The following NT5DC1 variants were observed in gnomAD, a reference collection of about 807,000 sequenced individuals.
The protein encoded by NT5DC1 is 5'-nucleotidase domain containing 1.
NT5DC1 carries 42 observed loss-of-function variants against 59.4 expected under a neutral mutation model. That is an observed-to-expected ratio of 0.71 (90% CI 0.55 to 0.92). The LOEUF (loss-of-function observed/expected upper bound fraction) is 0.92, where lower values mean the gene tolerates loss of function less well. Among genes scored for constraint, NT5DC1 ranks in the 40% least tolerant of loss-of-function variants. The pLI, the probability that NT5DC1 is intolerant of heterozygous loss-of-function variation, is 0.00. For missense variants in NT5DC1, 501 were observed against 537.1 expected, an observed-to-expected ratio of 0.93 and a Z score of 0.66; for synonymous variants, 172 against 188.1, an observed-to-expected ratio of 0.91 and a Z score of 0.70.
chr6:116,140,074 A>G (rs1392975900), intron 6 of NT5DC1, among the ~76,000 whole-genome samples: 1 of 152,200 alleles, frequency 6.6e-6, no homozygotes, highest in East Asian at 1.9e-4. Context: ...GGAATTCCAC[A>G]GGTTCATAAA....
In NT5DC1 at chr6:116,120,804, C is replaced by T. The variant is rs199868902; in HGVS notation, c.529+2859C>T. 128 of 1,612,786 alleles carry T rather than the reference C, an allele frequency of 7.9e-5. 1 individual carries two copies. The African/African-American group carries it at 1.6e-3, about 20-fold the overall frequency. ...CCAGGGGCACCTCTTGGGCCAGCCT[C>T]TCCATTGTGTCCGGGCATTCCCTTT... is the stretch of plus-strand genomic sequence containing the variant. On this transcript the variant is annotated intron_variant, in intron 6 of 11. Coordinates refer to ENST00000319550, the MANE Select transcript of NT5DC1 (RefSeq NM_152729.3).
At chr6:116,241,716 G>A (rs1220114112) in intron 11 of NT5DC1, among the ~76,000 whole-genome samples, 1 of 152,198 alleles carries the variant, frequency 6.6e-6, no homozygotes, top group East Asian at 1.9e-4. Context: ...CAGGTCAGGA[G>A]ATCAAGACCA....
intron 10 of NT5DC1, 40 bp downstream of exon 10, chr6:116,238,388 T>C: frequency 6.9e-7 from 1 of 1,441,292 alleles, no homozygotes; most frequent in Non-Finnish European, 9.2e-7. Flanking sequence ...AAGACAAATA[T>C]TTATGTTTGA....
chr6:116,108,827 G>A (rs766562386), intron 3 of NT5DC1, among the ~76,000 whole-genome samples: 3 of 152,148 alleles, frequency 2.0e-5, no homozygotes, highest in Non-Finnish European at 2.9e-5. Flanking sequence ...TTGGGTAGGG[G>A]TTGGTGGTCT....
intron 6 of NT5DC1, among the ~76,000 whole-genome samples, chr6:116,204,470 C>T (rs1256865156): frequency 6.6e-6 from 1 of 151,908 alleles, no homozygotes; most frequent in Non-Finnish European, 1.5e-5. Context: ...GACAGTATGA[C>T]CTGATGAGAG....
At chr6:116,196,197 A>T (rs1781224094) in intron 6 of NT5DC1, among the ~76,000 whole-genome samples, 1 of 152,008 alleles carries the variant, frequency 6.6e-6, no homozygotes, top group African/African-American at 2.4e-5. Flanking sequence ...TTCCTTGATG[A>T]CTTAAACCTC....
chr6:116,152,978 G>A (rs1366521853), intron 6 of NT5DC1, among the ~76,000 whole-genome samples: 2 of 152,152 alleles, frequency 1.3e-5, no homozygotes, highest in African/African-American at 4.8e-5. Context: ...ATAAAATACA[G>A]AGGAATGATT....
intron 6 of NT5DC1, among the ~76,000 whole-genome samples, chr6:116,203,690 A>G (rs570329430): frequency 6.6e-6 from 1 of 152,056 alleles, no homozygotes; most frequent in Non-Finnish European, 1.5e-5. Flanking sequence ...CATCATTTAC[A>G]TGTGATTTTC....
intron 2 of NT5DC1, 144 bp from the exon 3 acceptor site, chr6:116,108,220 T>C: frequency 1.6e-6 from 1 of 625,570 alleles, no homozygotes; most frequent in Admixed American, 2.8e-5. Flanking sequence ...AGTTCTTAGA[T>C]ATTCTTAATT....
At chr6:116,216,392 T>TA (rs5879367) in intron 6 of NT5DC1, among the ~76,000 whole-genome samples, 63,306 of 148,294 alleles carry the variant, frequency 0.43, 17,196 homozygotes, top group African/African-American at 0.78. Flanking sequence ...TGGGAAGCTT[T>TA]AAAAAAAAAA....
At chr6:116,193,912 A>G (rs1046634447) in intron 6 of NT5DC1, among the ~76,000 whole-genome samples, 5 of 151,990 alleles carry the variant, frequency 3.3e-5, no homozygotes, top group Non-Finnish European at 7.4e-5. Context: ...AAAAATACAG[A>G]AAGTAGTCAG....
At position 116,238,982 on chromosome 6, in the gene NT5DC1, T is replaced by G; in HGVS notation, c.1111T>G (p.Ser371Ala). 1 of 1,605,370 alleles carries G rather than the reference T, an allele frequency of 6.2e-7. No homozygotes were observed. The highest frequency in any genetic ancestry group is 8.5e-7 in the Non-Finnish European group (1 of 1,172,554). ...EGPKAKPLNT[S>A]SKKWGSFFID... ...ACCAAAAGCAAAACCTTTAAATACT[T>G]CATCTAAAAAATGGGGCTCTTTTTT... Residue 371 changes from serine (S) to alanine (A), a missense_variant, in exon 11 of 12, where the codon TCA (serine) becomes GCA (alanine). By Grantham distance (99) the Ser-to-Ala change is moderately conservative. Transcript: ENST00000319550.
intron 6 of NT5DC1, among the ~76,000 whole-genome samples, chr6:116,202,240 G>A (rs1055650716): frequency 1.3e-5 from 2 of 151,932 alleles, no homozygotes; most frequent in African/African-American, 4.8e-5. Context: ...CACACACTTG[G>A]CTATTCTTTT....
At chr6:116,224,698 G>C (rs1781874299) in intron 8 of NT5DC1, among the ~76,000 whole-genome samples, 1 of 152,218 alleles carries the variant, frequency 6.6e-6, no homozygotes, top group Non-Finnish European at 1.5e-5. Flanking sequence ...TCTGGCACAT[G>C]GTCATGGGGT....
intron 6 of NT5DC1, among the ~76,000 whole-genome samples, chr6:116,175,796 A>G (rs1328940866): frequency 1.3e-5 from 2 of 152,164 alleles, no homozygotes; most frequent in Non-Finnish European, 2.9e-5. Flanking sequence ...GAAATATCCT[A>G]TCTACCCATT....
intron 6 of NT5DC1, 192 bp downstream of exon 6, chr6:116,118,137 T>C (rs925493160): frequency 1.6e-6 from 1 of 615,812 alleles, no homozygotes; most frequent in African/African-American, 1.9e-5. Flanking sequence ...TGGCTATAAT[T>C]GCCCATATTC....
intron 6 of NT5DC1, among the ~76,000 whole-genome samples, chr6:116,178,761 C>T (rs1780808331): frequency 6.6e-6 from 1 of 152,182 alleles, no homozygotes; most frequent in African/African-American, 2.4e-5. Flanking sequence ...AAAATGTGAG[C>T]ATCTCAGAAG....
intron 6 of NT5DC1, among the ~76,000 whole-genome samples, chr6:116,178,088 T>TGTGTGCGCGC (rs1491426656): frequency 1.0e-5 from 1 of 99,622 alleles, no homozygotes; most frequent in African/African-American, 4.7e-5. Flanking sequence ...TGTGTGTGTG[T>TGTGTGCGCGC]GCGCGCGCGC....
chr6:116,119,545 A>G (rs1035493018), intron 6 of NT5DC1: 1 of 157,282 alleles, frequency 6.4e-6, no homozygotes, highest in Non-Finnish European at 1.4e-5. Flanking sequence ...GCCTCAGAGT[A>G]GTGCACCATC....
Sources: allele counts gnomAD v4.1 joint callset (sites outside exome capture counted in the v4.1 genomes callset), GRCh38; gene constraint gnomAD v4.1.1; transcripts MANE v1.5; gene names NCBI Gene and HGNC (gene_info 2026-07-23, HGNC 2026-07-21).